Variants in DCAF10 observed in about 807,000 individuals in gnomAD.
DCAF10 encodes DDB1- and CUL4-associated factor 10.
Under a neutral mutation model 51.9 loss-of-function variants are expected in DCAF10, and 19 were observed. That is an observed-to-expected ratio of 0.37 (90% CI 0.26 to 0.54). The LOEUF is 0.54. Among genes scored for constraint, DCAF10 ranks in the 20% least tolerant of loss-of-function variants. DCAF10 has a pLI of 0.87. For synonymous variants in DCAF10, 291 were observed against 297.1 expected (o/e 0.98, Z 0.21); for missense variants, 510 against 730.6 (o/e 0.70, Z 3.48).
intron 3 of DCAF10, among the ~76,000 whole-genome samples, chr9:37,845,214 CG>C (rs1481084400): frequency 6.6e-6 from 1 of 151,672 alleles, no homozygotes; most frequent in African/African-American, 2.4e-5. Flanking sequence ...AGGATAAACC[CG>C]ATGAAAGTAG....
intron 3 of DCAF10, among the ~76,000 whole-genome samples, chr9:37,851,205 CT>C (rs1830640893): frequency 6.6e-6 from 1 of 151,814 alleles, no homozygotes; most frequent in Non-Finnish European, 1.5e-5. Flanking sequence ...GATTGTGCCA[CT>C]GCACTCCAGC....
rs902986649 is a variant in DCAF10 at position 37,866,475 on chromosome 9, A to T, written c.*4967A>T. On this transcript the variant is annotated 3_prime_UTR_variant, in exon 7 of 7. Transcript: ENST00000377724. Reference sequence around the variant, plus strand: ...ACTGCTGTTGGATTTTAAAATTTTTAAAATATCTGCTAAGTAATTTGCTAT... The same window carrying T: ...ACTGCTGTTGGATTTTAAAATTTTTTAAATATCTGCTAAGTAATTTGCTAT... The T allele has an allele frequency of 1.3e-5, 2 of 152,250 alleles. No individual in the cohort carries two copies. The highest frequency in any genetic ancestry group is 4.8e-5 in the African/African-American group (2 of 41,446). 9.4% of individuals were successfully genotyped at this position (152,250 alleles called of 1,614,324 possible).
At chr9:37,827,117 C>T (rs781733123) in intron 2 of DCAF10, among the ~76,000 whole-genome samples, 9 of 152,084 alleles carry the variant, frequency 5.9e-5, no homozygotes, top group Non-Finnish European at 8.8e-5. Context: ...TGAGCCACTG[C>T]GCCCGGCCAC....
At chr9:37,858,382 C>T (rs996504619) in intron 5 of DCAF10, 1 of 152,192 alleles carries the variant, frequency 6.6e-6, no homozygotes, top group African/African-American at 2.4e-5. Context: ...TGTTCTCCTT[C>T]CACTTGTGCT....
chr9:37,855,024 T>A (rs1411840032), intron 4 of DCAF10, 42 bp downstream of exon 4: 1 of 1,541,226 alleles, frequency 6.5e-7, no homozygotes, highest in Non-Finnish European at 8.8e-7. Context: ...TTCTCGAGAA[T>A]CTCAAACATA....
chr9:37,805,059 C>T (rs745352111), intron 1 of DCAF10, among the ~76,000 whole-genome samples: 2 of 152,050 alleles, frequency 1.3e-5, no homozygotes, highest in Non-Finnish European at 2.9e-5. Flanking sequence ...TATTTTCAAA[C>T]GGAAGGTCTG....
intron 2 of DCAF10, among the ~76,000 whole-genome samples, chr9:37,820,909 AT>A (rs969155696): frequency 6.6e-6 from 1 of 152,160 alleles, no homozygotes; most frequent in African/African-American, 2.4e-5. Context: ...TAAATTATGT[AT>A]TTATTTTTGA....
chr9:37,835,474 G>C (rs1460919512), intron 2 of DCAF10, among the ~76,000 whole-genome samples: 1 of 152,096 alleles, frequency 6.6e-6, no homozygotes, highest in Non-Finnish European at 1.5e-5. Context: ...AGCTACTCAG[G>C]AGGCTGAGGC....
Position 37,801,563 on chromosome 9 carries a change from C to T in DCAF10, c.539+158C>T, listed in dbSNP as rs1017211747. On this transcript the variant is annotated intron_variant, in intron 1 of 6. Transcript: ENST00000377724. This position sits in a 1 kb window ranked among gnomAD's most constrained non-coding sequence, Gnocchi z 5.5. ...CTCCTGGCACTTTCTGAAGCGCATT[C>T]TCGCCCTTGGAATCCCCAGCCCAGC... 2.1e-6 allele frequency: 2 copies of T among 961,356 alleles called. No homozygotes were observed. Among genetic ancestry groups the T allele is most frequent in the South Asian group, 2.8e-5 (1 of 35,476 alleles). 59.6% of individuals were successfully genotyped at this position (961,356 alleles called of 1,614,324 possible). A position where few individuals can be genotyped will look rare whatever the true frequency, so the allele number is the denominator to read the frequency against.
intron 3 of DCAF10, among the ~76,000 whole-genome samples, chr9:37,842,949 T>C (rs1411885393): frequency 6.6e-6 from 1 of 152,244 alleles, no homozygotes; most frequent in Non-Finnish European, 1.5e-5. Flanking sequence ...AATTAAAATA[T>C]GCCTGCTTTG....
chr9:37,811,553 TA>T (rs1320723100), intron 1 of DCAF10, among the ~76,000 whole-genome samples: 1 of 151,704 alleles, frequency 6.6e-6, no homozygotes, highest in African/African-American at 2.4e-5. Flanking sequence ...AACTAGAAGC[TA>T]AAAAAAGAAA....
intron 3 of DCAF10, among the ~76,000 whole-genome samples, chr9:37,843,829 TG>T (rs1189247644): frequency 6.6e-6 from 1 of 152,202 alleles, no homozygotes; most frequent in Non-Finnish European, 1.5e-5. Context: ...TAAACGTATA[TG>T]GGCTAAACTG....
chr9:37,814,127 TTTGTTGTTG>T (rs60537201), intron 1 of DCAF10, among the ~76,000 whole-genome samples: 1 of 100,652 alleles, frequency 9.9e-6, no homozygotes. Flanking sequence ...TATATATATA[TTTGTTGTTG>T]TTGTTGTTGT....
chr9:37,848,356 T>C (rs1041157294), intron 3 of DCAF10, among the ~76,000 whole-genome samples: 1 of 152,174 alleles, frequency 6.6e-6, no homozygotes, highest in East Asian at 1.9e-4. Context: ...CAAAATGTGG[T>C]GGATGTATGC....
chr9:37,827,773 C>T (rs1829895029), intron 2 of DCAF10, among the ~76,000 whole-genome samples: 1 of 152,156 alleles, frequency 6.6e-6, no homozygotes, highest in Admixed American at 6.5e-5. Flanking sequence ...TAGAAAGTGA[C>T]TCTGCATAAG....
At chr9:37,850,869 TATATATATATATA>T (rs1830626626) in intron 3 of DCAF10, among the ~76,000 whole-genome samples, 1 of 103,324 alleles carries the variant, frequency 9.7e-6, no homozygotes, top group Non-Finnish European at 2.0e-5. Context: ...TATATATATA[TATATATATATATA>T]AATTAGCTTG....
chr9:37,825,846 C>A (rs188553309), intron 2 of DCAF10, among the ~76,000 whole-genome samples: 1 of 151,868 alleles, frequency 6.6e-6, no homozygotes, highest in East Asian at 1.9e-4. Context: ...TAGTGAAACC[C>A]CATCTCTACT....
At chr9:37,849,354 A>G (rs938346435) in intron 3 of DCAF10, among the ~76,000 whole-genome samples, 16 of 152,222 alleles carry the variant, frequency 1.1e-4, no homozygotes, top group African/African-American at 3.1e-4. Context: ...AGGACCAGGT[A>G]GTACATATTT....
chr9:37,851,100 CG>C (rs1273751008), intron 3 of DCAF10, among the ~76,000 whole-genome samples: 1 of 151,106 alleles, frequency 6.6e-6, no homozygotes, highest in Non-Finnish European at 1.5e-5. Flanking sequence ...AAAGAGTAGC[CG>C]GGTGTGGTGC....
Sources: allele counts gnomAD v4.1 joint callset (sites outside exome capture counted in the v4.1 genomes callset), GRCh38; gene constraint gnomAD v4.1.1; non-coding constraint Gnocchi (gnomAD v3.1); transcripts MANE v1.5; gene names NCBI Gene and HGNC (gene_info 2026-07-23, HGNC 2026-07-21).